Variants in RPS6KB1 observed in about 807,000 individuals in gnomAD.
RPS6KB1 encodes ribosomal protein S6 kinase B1, also known as ribosomal protein S6 kinase beta-1.
In RPS6KB1, 12 loss-of-function variants were observed where a neutral mutation model predicts 70.2. That is an observed-to-expected ratio of 0.17 (90% CI 0.11 to 0.28). The LOEUF is 0.28. RPS6KB1 is among the 10% of genes least tolerant of loss of function. RPS6KB1 has a pLI of 1.00. For missense variants in RPS6KB1, 270 were observed against 646.6 expected, an observed-to-expected ratio of 0.42 and a Z score of 6.32; for synonymous variants, 175 against 211.2, an observed-to-expected ratio of 0.83 and a Z score of 1.49.
chr17:59,938,825 A>G (rs2044410276), intron 12 of RPS6KB1, among the ~76,000 whole-genome samples: 1 of 151,788 alleles, frequency 6.6e-6, no homozygotes, highest in Admixed American at 6.6e-5. Context: ...CTGGAGATAC[A>G]CTGATTGTCA....
intron 12 of RPS6KB1, among the ~76,000 whole-genome samples, chr17:59,939,526 C>T (rs1008144829): frequency 1.8e-5 from 2 of 112,102 alleles, no homozygotes; most frequent in African/African-American, 3.0e-5. Flanking sequence ...AAGCAATCCA[C>T]CTGCCTCTGC....
intron 1 of RPS6KB1, among the ~76,000 whole-genome samples, chr17:59,899,569 A>G (rs2041784514): frequency 6.6e-6 from 1 of 152,208 alleles, no homozygotes; most frequent in Admixed American, 6.5e-5. Flanking sequence ...TCACATCTGG[A>G]AGAAGTTAGT....
rs542297753 is a variant in RPS6KB1 at position 59,897,103 on chromosome 17, C to A, written c.141+3778C>A. On this transcript the variant is annotated intron_variant, in intron 1 of 14. Transcript: ENST00000225577. Reference sequence around the variant, plus strand: ...TAGGCCATATGATAGCCAAAGATCACATAGTGGTAGTGTCTTCTGACTTAA... The same window carrying A: ...TAGGCCATATGATAGCCAAAGATCAAATAGTGGTAGTGTCTTCTGACTTAA... Among the ~76,000 whole-genome samples the A allele has an allele frequency of 3.3e-5, 5 of 152,264 alleles. No homozygotes were observed. The East Asian group carries it at 9.6e-4, about 29-fold the overall frequency.
rs2041321718 is a variant in RPS6KB1 at position 59,893,915 on chromosome 17, A to G, written c.141+590A>G. 1 of 981,830 alleles carries G rather than the reference A, an allele frequency of 1.0e-6. No individual in the cohort carries two copies. The highest frequency in any genetic ancestry group is 4.7e-5 in the South Asian group (1 of 21,206). The allele number at this position is 981,830 out of a possible 1,614,324, so 60.8% of individuals were successfully genotyped here. A position where few individuals can be genotyped will look rare whatever the true frequency, so the allele number is the denominator to read the frequency against. ...CAAGGGGGCTCTGCTGCATCTTCCAATCTTCCAGGGTTTGTTTGTTTGCTT... is the reference window on the plus strand; with the variant it reads ...CAAGGGGGCTCTGCTGCATCTTCCAGTCTTCCAGGGTTTGTTTGTTTGCTT... On this transcript the variant is annotated intron_variant, in intron 1 of 14. Transcript: ENST00000225577. This position sits in a 1 kb window ranked among gnomAD's most constrained non-coding sequence, Gnocchi z 4.1.
At chr17:59,945,160 G>T in intron 13 of RPS6KB1, 1 of 320,134 alleles carries the variant, frequency 3.1e-6, no homozygotes, top group Non-Finnish European at 5.7e-6. Context: ...ATTCCTGTCA[G>T]TAGGGTAGAA....
intron 2 of RPS6KB1, 144 bp downstream of exon 2, chr17:59,910,755 C>T: frequency 5.0e-6 from 3 of 596,092 alleles, no homozygotes; most frequent in South Asian, 2.1e-5. Flanking sequence ...TTGAATTTGG[C>T]ACCAAAATCT....
intron 1 of RPS6KB1, among the ~76,000 whole-genome samples, chr17:59,902,899 G>A (rs2042042249): frequency 6.6e-6 from 1 of 152,062 alleles, no homozygotes; most frequent in South Asian, 2.1e-4. Context: ...CCTTTTAGAA[G>A]GCTGGGTGTG....
rs2145002780 is a variant in RPS6KB1, at chr17:59,936,526, C to T, written c.1104C>T (p.Pro368=). 2 of 1,613,224 alleles carry T rather than the reference C, an allele frequency of 1.2e-6. No individual in the cohort carries two copies. Among genetic ancestry groups the T allele is most frequent in the African/African-American group, 2.7e-5 (2 of 75,002 alleles). ...TTCTGGCTCGAAAGGTGGAGCCCCC[C>T]TTTAAACCTCTGTTGGTAAGTATAC... ...EELLARKVEP[P]FKPLLQSEED... Residue 368 remains proline (P), a synonymous_variant, in exon 12 of 15, where the codon CCC becomes CCT. Transcript: ENST00000225577.
In RPS6KB1 at chr17:59,946,021, A is replaced by C. The variant is rs1239566069; in HGVS notation, c.1340+503A>C. 3.3e-5 allele frequency among the ~76,000 whole-genome samples: 5 copies of C among 152,206 alleles called. No individual in the cohort carries two copies. The highest frequency in any genetic ancestry group is 2.6e-4 in the Admixed American group (4 of 15,272). On this transcript the variant is annotated intron_variant, in intron 14 of 14. Transcript: ENST00000225577. The surrounding 1 kb of genome is among the most constrained non-coding windows in gnomAD (Gnocchi z 4.2). ...GGCTTCTACTCACAGTGATCAGAGA[A>C]AGGCCTCCCTGGTGTAGTAACATCT...
chr17:59,916,343 G>GC (rs1327074435), intron 4 of RPS6KB1, among the ~76,000 whole-genome samples: 18 of 152,084 alleles, frequency 1.2e-4, no homozygotes, highest in Non-Finnish European at 2.6e-4. Flanking sequence ...CGGGGGATCG[G>GC]CCCGCCTTGA....
At chr17:59,907,912 A>G (rs1244355781) in intron 1 of RPS6KB1, among the ~76,000 whole-genome samples, 1 of 152,124 alleles carries the variant, frequency 6.6e-6, no homozygotes, top group African/African-American at 2.4e-5. Context: ...TTGCTAGTAT[A>G]TAGAAGGTTA....
chr17:59,915,607 A>G (rs1173890717), intron 4 of RPS6KB1, among the ~76,000 whole-genome samples: 1 of 151,042 alleles, frequency 6.6e-6, no homozygotes, highest in African/African-American at 2.4e-5. Flanking sequence ...CTGGGATTAC[A>G]GGCGCCTACC....
chr17:59,946,872 A>G lies in RPS6KB1; in HGVS notation c.*84A>G, dbSNP rs1402545931. ...ATCCTGCAAGGTGAAACGACTCAAA[A>G]TGACAGTTTCAGAGAGTCAATGTCA... On this transcript the variant is annotated 3_prime_UTR_variant, in exon 15 of 15. Coordinates refer to ENST00000225577, the MANE Select transcript of RPS6KB1 (RefSeq NM_003161.4). This position sits in a 1 kb window ranked among gnomAD's most constrained non-coding sequence, Gnocchi z 4.2. The G allele has an allele frequency of 1.6e-5, 25 of 1,587,118 alleles. No homozygotes were observed. Among genetic ancestry groups the G allele is most frequent in the Non-Finnish European group, 2.1e-5 (24 of 1,164,196 alleles).
Position 59,947,144 on chromosome 17 carries a change from A to T in RPS6KB1, c.*356A>T, listed in dbSNP as rs2044975029. On this transcript the variant is annotated 3_prime_UTR_variant, in exon 15 of 15. Transcript: ENST00000225577. ...GTTCTGATTGTGTTGAAGAAGGGTT[A>T]TCCTTTCATTAGGCAAAGTACAAAA... The T allele has an allele frequency of 9.3e-7, 1 of 1,073,520 alleles. No individual in the cohort carries two copies. Among genetic ancestry groups the T allele is most frequent in the South Asian group, 3.6e-5 (1 of 27,772 alleles). The allele number at this position is 1,073,520 out of a possible 1,614,324, so 66.5% of individuals were successfully genotyped here.
chr17:59,932,368 C>T (rs180525), intron 7 of RPS6KB1, among the ~76,000 whole-genome samples: 21,541 of 151,704 alleles, frequency 0.14, 1,686 homozygotes, highest in Middle Eastern at 0.19. Flanking sequence ...GCCAAGATCG[C>T]GACATTATAC....
chr17:59,920,298 A>C (rs779044927), intron 4 of RPS6KB1, among the ~76,000 whole-genome samples: 12 of 152,118 alleles, frequency 7.9e-5, no homozygotes, highest in Non-Finnish European at 1.6e-4. Context: ...GATTACAGGC[A>C]TGAGTCACTG....
chr17:59,915,428 G>A (rs1464790825), intron 4 of RPS6KB1, among the ~76,000 whole-genome samples: 1 of 151,950 alleles, frequency 6.6e-6, no homozygotes, highest in African/African-American at 2.4e-5. Context: ...ACTCTTCACT[G>A]TTTCTGATCT....
In RPS6KB1 at chr17:59,947,028, G is replaced by A. The variant is rs903253759; in HGVS notation, c.*240G>A. The A allele has an allele frequency of 1.8e-5, 24 of 1,340,168 alleles. No homozygotes were observed. In the Admixed American group the frequency reaches 4.4e-4, roughly 25 times the overall value. 83.0% of individuals were successfully genotyped at this position (1,340,168 alleles called of 1,614,324 possible). ...GCACATCAATTAATTGATTCCTCGC[G>A]ACATCTTCTCAACCTTATCAAGGAT... is the stretch of plus-strand genomic sequence containing the variant. On this transcript the variant is annotated 3_prime_UTR_variant, in exon 15 of 15. Transcript: ENST00000225577.
chr17:59,916,696 A>G (rs777026145), intron 4 of RPS6KB1, among the ~76,000 whole-genome samples: 19 of 152,138 alleles, frequency 1.2e-4, no homozygotes, highest in Non-Finnish European at 1.5e-5. Flanking sequence ...TCTTCACCAC[A>G]ACCCTGGAAT....
Sources: gnomAD v4.1 joint callset for allele counts (sites outside exome capture counted in the v4.1 genomes callset) on GRCh38, gnomAD v4.1.1 for gene constraint, Gnocchi (gnomAD v3.1) non-coding constraint, MANE v1.5 for transcripts, NCBI Gene and HGNC (gene_info 2026-07-23, HGNC 2026-07-21) for gene names.